Variants in CFAP95 observed in about 807,000 individuals in gnomAD.
CFAP95 encodes cilia and flagella associated protein 95, also known as cilia- and flagella-associated protein 95.
At chr9:69,896,494 A>G in the CFAP95 span, among the ~76,000 whole-genome samples, 2 of 152,202 alleles carry the variant, frequency 1.3e-5, no homozygotes, top group Non-Finnish European at 2.9e-5. Context: ...TCCACAGCCT[A>G]AATTTCTTTG....
the CFAP95 span, among the ~76,000 whole-genome samples, chr9:69,874,892 C>G: frequency 2.6e-5 from 4 of 152,092 alleles, no homozygotes; most frequent in Non-Finnish European, 4.4e-5. Context: ...TCAGTAAGTC[C>G]GGGTTGGTGG....
chr9:69,895,580 A>C, the CFAP95 span, among the ~76,000 whole-genome samples: 3 of 152,162 alleles, frequency 2.0e-5, no homozygotes, highest in Admixed American at 2.0e-4. Flanking sequence ...CTTGGTAGAC[A>C]TTTAATTCAA....
At chr9:69,871,174 C>T in the CFAP95 span, among the ~76,000 whole-genome samples, 1 of 151,940 alleles carries the variant, frequency 6.6e-6, no homozygotes, top group Non-Finnish European at 1.5e-5. Flanking sequence ...GCTGAGATCG[C>T]CACACTGCAT....
the CFAP95 span, among the ~76,000 whole-genome samples, chr9:69,834,369 G>T: frequency 3.9e-4 from 60 of 152,104 alleles, no homozygotes; most frequent in Admixed American, 4.6e-4. Context: ...TACTCACCCT[G>T]GTTTGACAAT....
chr9:69,837,015 A>G, the CFAP95 span, among the ~76,000 whole-genome samples: 1 of 151,554 alleles, frequency 6.6e-6, no homozygotes, highest in African/African-American at 2.4e-5. Context: ...TTTACTGAGA[A>G]TGATGATTTC....
chr9:69,887,378 G>A, the CFAP95 span, among the ~76,000 whole-genome samples: 1 of 152,118 alleles, frequency 6.6e-6, no homozygotes, highest in African/African-American at 2.4e-5. Context: ...ATCTTAACCA[G>A]GGCAGTAGAC....
At chr9:69,832,421 T>C in the CFAP95 span, among the ~76,000 whole-genome samples, 8 of 152,238 alleles carry the variant, frequency 5.3e-5, no homozygotes, top group East Asian at 1.5e-3. Flanking sequence ...GTGGCGCGTG[T>C]AATGTGGTAA....
At chr9:69,866,643 T>C in the CFAP95 span, among the ~76,000 whole-genome samples, 8 of 152,348 alleles carry the variant, frequency 5.3e-5, no homozygotes, top group African/African-American at 1.9e-4. Flanking sequence ...TACTCTATTT[T>C]GGATTAGCAA....
the CFAP95 span, among the ~76,000 whole-genome samples, chr9:69,880,591 G>A: frequency 6.6e-6 from 1 of 152,032 alleles, no homozygotes; most frequent in Non-Finnish European, 1.5e-5. Flanking sequence ...TCCAAATCTT[G>A]GCTATTGTGA....
the CFAP95 span, among the ~76,000 whole-genome samples, chr9:69,838,232 T>C: frequency 1.3e-5 from 2 of 152,198 alleles, no homozygotes; most frequent in Non-Finnish European, 2.9e-5. Flanking sequence ...TTTGGTTCCA[T>C]ATGAACTTTA....
chr9:69,848,198 G>A, the CFAP95 span, among the ~76,000 whole-genome samples: 1 of 152,314 alleles, frequency 6.6e-6, no homozygotes, highest in Non-Finnish European at 1.5e-5. Flanking sequence ...CTCCTCTAGA[G>A]GTGGAGCAAC....
At chr9:69,876,529 T>A in the CFAP95 span, among the ~76,000 whole-genome samples, 1 of 152,088 alleles carries the variant, frequency 6.6e-6, no homozygotes, top group Non-Finnish European at 1.5e-5. Flanking sequence ...AGTGAGATTT[T>A]GTCTAAAAAG....
the CFAP95 span, among the ~76,000 whole-genome samples, chr9:69,887,649 G>A: frequency 2.0e-5 from 3 of 152,300 alleles, no homozygotes; most frequent in East Asian, 1.9e-4. Flanking sequence ...AGATAATGTG[G>A]CAGTTTATCT....
At chr9:69,871,013 G>A in the CFAP95 span, among the ~76,000 whole-genome samples, 6 of 152,124 alleles carry the variant, frequency 3.9e-5, no homozygotes, top group Non-Finnish European at 5.9e-5. Context: ...GAGGCCAGGA[G>A]TTCGAGACCA....
chr9:69,837,849 G>A, the CFAP95 span, among the ~76,000 whole-genome samples: 53 of 152,132 alleles, frequency 3.5e-4, no homozygotes, highest in Non-Finnish European at 1.0e-4. Flanking sequence ...TTCTTCTAGG[G>A]TTTTCATGGT....
At chr9:69,877,921 G>T in the CFAP95 span, among the ~76,000 whole-genome samples, 1 of 152,096 alleles carries the variant, frequency 6.6e-6, no homozygotes, top group Non-Finnish European at 1.5e-5. Context: ...CTTCTTTATT[G>T]TGTTCTTCTC....
chr9:69,889,048 C>T, the CFAP95 span, among the ~76,000 whole-genome samples: 9 of 152,122 alleles, frequency 5.9e-5, no homozygotes, highest in African/African-American at 1.7e-4. Flanking sequence ...ACTGAAACTG[C>T]CTTTGCAAAA....
chr9:69,906,012 C>A, the CFAP95 span: 1 of 1,612,362 alleles, frequency 6.2e-7, no homozygotes, highest in Non-Finnish European at 8.5e-7. Flanking sequence ...TCTCAGTTCA[C>A]GGATCTAAAT....
At chr9:69,829,498 A>C in the CFAP95 span, among the ~76,000 whole-genome samples, 3 of 152,176 alleles carry the variant, frequency 2.0e-5, no homozygotes, top group Admixed American at 6.5e-5. Context: ...ACACGGGCAA[A>C]CTTGGATAGG....
Sources: allele counts gnomAD v4.1 joint callset (sites outside exome capture counted in the v4.1 genomes callset), GRCh38; gene constraint gnomAD v4.1.1; transcripts MANE v1.5; gene names NCBI Gene and HGNC (gene_info 2026-07-23, HGNC 2026-07-21).